Variants in PCDHB7 observed in about 807,000 individuals in gnomAD.
The protein encoded by PCDHB7 is protocadherin beta 7.
For missense variants in PCDHB7, 1,148 were observed against 1,011.6 expected (o/e 1.13, Z -1.83); for synonymous variants, 542 against 463.1 (o/e 1.17, Z -2.19).
Position 141,174,564 on chromosome 5 carries a change from C to A in PCDHB7, c.1729C>A (p.Pro577Thr). 6.2e-6 allele frequency: 10 copies of A among 1,610,228 alleles called. No individual in the cohort carries two copies. Among genetic ancestry groups the A allele is most frequent in the African/African-American group, 1.3e-5 (1 of 74,988 alleles). Reference sequence around the variant, plus strand: ...CTCCGCGCCCTGCACCGAGCCGTTGCCCCGGGCGGCCGAGCCGGGCTACCT... The same window carrying A: ...CTCCGCGCCCTGCACCGAGCCGTTGACCCGGGCGGCCGAGCCGGGCTACCT... ...NSSAPCTEPL[P>T]RAAEPGYLVT... The change falls in exon 1 of 1, where the codon CCC becomes ACC. Residue 577 changes from proline to threonine, a missense_variant. Transcript: ENST00000231137.
rs1186915421 is a variant in PCDHB7, at chr5:141,175,303, A to C, written c.*86A>C. 7.8e-7 allele frequency: 1 copy of C among 1,282,196 alleles called. No homozygotes were observed. 79.4% of individuals were successfully genotyped at this position (1,282,196 alleles called of 1,614,324 possible). On this transcript the variant is annotated 3_prime_UTR_variant, in exon 1 of 1. Coordinates refer to ENST00000231137, the MANE Select transcript of PCDHB7 (RefSeq NM_018940.4). ...GGTTCCCTTAAGGGAGTGTCTTTACATCATTTCAAATATGTACTCTTGAAG... is the reference window on the plus strand; with the variant it reads ...GGTTCCCTTAAGGGAGTGTCTTTACCTCATTTCAAATATGTACTCTTGAAG...
Position 141,174,094 on chromosome 5 carries a change from C to G in PCDHB7, c.1259C>G (p.Thr420Ser), listed in dbSNP as rs1554280153. Residue 420 changes from threonine to serine, a missense_variant, in exon 1 of 1, where the codon ACC (threonine) becomes AGC (serine). Thr to Ser is a moderately conservative substitution (Grantham distance 58). Coordinates refer to ENST00000231137, the MANE Select transcript of PCDHB7 (RefSeq NM_018940.4). Reference protein sequence around the residue: ...DRERNTEYNITITVTDLGTPR... With the variant: ...DRERNTEYNISITVTDLGTPR... ...GAGAGGAACACTGAGTACAACATCACCATCACCGTCACCGACTTGGGGACA... is the reference window on the plus strand; with the variant it reads ...GAGAGGAACACTGAGTACAACATCAGCATCACCGTCACCGACTTGGGGACA... 1 of 1,614,132 alleles carries G rather than the reference C, an allele frequency of 6.2e-7. No individual in the cohort carries two copies. The highest frequency in any genetic ancestry group is 1.7e-5 in the Admixed American group (1 of 60,036).
rs781940490 is a variant in PCDHB7 at position 141,173,286 on chromosome 5, G to A, written c.451G>A (p.Ala151Thr). 11 of 1,614,060 alleles carry A rather than the reference G, an allele frequency of 6.8e-6. No homozygotes were observed. In the East Asian group the frequency reaches 1.8e-4, roughly 26 times the overall value. Residue 151 changes from alanine to threonine, a missense_variant, in exon 1 of 1, where the codon GCA becomes ACA. By Grantham distance (58) the Ala-to-Thr change is moderately conservative. Coordinates refer to ENST00000231137, the MANE Select transcript of PCDHB7 (RefSeq NM_018940.4). ...ATTAGAAAGTACCACTCCAGGGGCG[G>A]CATTTCTCCTAGAGAGTGCACAGGA... ...KILESTTPGA[A>T]FLLESAQDSD...
Position 141,172,839 on chromosome 5 carries a change from G to C in PCDHB7, c.4G>C (p.Glu2Gln), listed in dbSNP as rs782092863. 4 of 1,607,212 alleles carry C rather than the reference G, an allele frequency of 2.5e-6. No individual in the cohort carries two copies. In the African/African-American group the frequency reaches 5.4e-5, roughly 22 times the overall value. Reference protein sequence around the residue: MEARVERAVQKR... With the variant: MQARVERAVQKR... ...TGAAAGACTGATCCAAAGAAGAATG[G>C]AGGCCAGAGTGGAGCGTGCTGTGCA... The change falls in exon 1 of 1, where the codon GAG becomes CAG. Residue 2 changes from glutamate (E) to glutamine (Q), a missense_variant. Glu to Gln is a conservative substitution (Grantham distance 29, BLOSUM62 2). Transcript: ENST00000231137.
In PCDHB7 at chr5:141,173,916, C is replaced by T. The variant is rs1165520722; in HGVS notation, c.1081C>T (p.Pro361Ser). 2 of 1,612,510 alleles carry T rather than the reference C, an allele frequency of 1.2e-6. No individual in the cohort carries two copies. The highest frequency in any genetic ancestry group is 1.7e-6 in the Non-Finnish European group (2 of 1,178,872). ...TACTAGCCCAATTGCAGAAAACTCACCCGAGACAGTCGTGGCTGTTTTTAG... is the reference window on the plus strand; with the variant it reads ...TACTAGCCCAATTGCAGAAAACTCATCCGAGACAGTCGTGGCTGTTTTTAG... ...SLTSPIAENSPETVVAVFRIR... is the reference protein window; with the variant it reads ...SLTSPIAENSSETVVAVFRIR... The change falls in exon 1 of 1, where the codon CCC becomes TCC. Residue 361 changes from proline to serine, a missense_variant. By Grantham distance (74) the Pro-to-Ser change is moderately conservative. Transcript: ENST00000231137.
chr5:141,174,501 G>C lies in PCDHB7; in HGVS notation c.1666G>C (p.Asp556His), dbSNP rs781803189. Residue 556 changes from aspartate to histidine, a missense_variant, in exon 1 of 1, where the codon GAC becomes CAC. By Grantham distance (81) the Asp-to-His change is moderately conservative. Coordinates refer to ENST00000231137, the MANE Select transcript of PCDHB7 (RefSeq NM_018940.4). ...LVRVLVLDAN[D>H]NSPFVLYPLQ... is the part of the protein sequence containing the mutation. ...GCGCGTGCTGGTGCTGGACGCCAACGACAACTCGCCCTTCGTGCTGTACCC... is the reference window on the plus strand; with the variant it reads ...GCGCGTGCTGGTGCTGGACGCCAACCACAACTCGCCCTTCGTGCTGTACCC... The C allele has an allele frequency of 1.2e-6, 2 of 1,611,026 alleles. No individual in the cohort carries two copies. Among genetic ancestry groups the C allele is most frequent in the South Asian group, 2.2e-5 (2 of 90,970 alleles).
rs1239189563 is a variant in PCDHB7 at position 141,175,774 on chromosome 5, G to A, written c.*557G>A. 5.9e-6 allele frequency: 1 copy of A among 169,894 alleles called. No homozygotes were observed. Among genetic ancestry groups the A allele is most frequent in the Non-Finnish European group, 1.4e-5 (1 of 70,048 alleles). 10.5% of individuals were successfully genotyped at this position (169,894 alleles called of 1,614,324 possible). A position where few individuals can be genotyped will look rare whatever the true frequency, so the allele number is the denominator to read the frequency against. On this transcript the variant is annotated 3_prime_UTR_variant, in exon 1 of 1. Transcript: ENST00000231137. ...CTGAGCATCCATCCCAGATCTGTCT[G>A]ACTCTGGGTCAGTGACCCTGCTCCG...
Position 141,175,647 on chromosome 5 carries a change from T to A in PCDHB7, c.*430T>A, listed in dbSNP as rs1476596985. 1 of 189,346 alleles carries A rather than the reference T, an allele frequency of 5.3e-6. No individual in the cohort carries two copies. Among genetic ancestry groups the A allele is most frequent in the African/African-American group, 2.4e-5 (1 of 41,568 alleles). 11.7% of individuals were successfully genotyped at this position (189,346 alleles called of 1,614,324 possible). On this transcript the variant is annotated 3_prime_UTR_variant, in exon 1 of 1. Transcript: ENST00000231137. ...ATACACTATTTTAACACTTTTAATC[T>A]GAGAAGAAGCATATGAGGCATGGTA... is the stretch of plus-strand genomic sequence containing the variant.
Position 141,173,440 on chromosome 5 carries a change from G to C in PCDHB7, c.605G>C (p.Arg202Pro), listed in dbSNP as rs200476708. ...PELVLNQVLD[R>P]EEIPEFSLTL... ...TTGGTGCTGAATCAAGTGCTGGATC[G>C]GGAAGAGATACCAGAGTTCAGTTTA... The change falls in exon 1 of 1, where the codon CGG becomes CCG. Residue 202 changes from arginine (R) to proline (P), a missense_variant. By Grantham distance (103) the Arg-to-Pro change is moderately radical. Coordinates refer to ENST00000231137, the MANE Select transcript of PCDHB7 (RefSeq NM_018940.4). 5 of 1,614,042 alleles carry C rather than the reference G, an allele frequency of 3.1e-6. No individual in the cohort carries two copies. Among genetic ancestry groups the C allele is most frequent in the African/African-American group, 2.7e-5 (2 of 74,912 alleles).
At position 141,174,247 on chromosome 5, in the gene PCDHB7, G is replaced by T. The variant is rs139341980; in HGVS notation, c.1412G>T (p.Gly471Val). Residue 471 changes from glycine to valine, a missense_variant, in exon 1 of 1, where the codon GGC becomes GTC. Transcript: ENST00000231137. ...RENNSPALPI[G>V]SVSATDRDSG... is the part of the protein sequence containing the mutation. ...AACAACAGCCCCGCCCTGCCCATCG[G>T]CAGTGTCAGCGCCACAGACAGAGAC... The T allele has an allele frequency of 1.1e-5, 17 of 1,612,640 alleles. No homozygotes were observed. The highest frequency in any genetic ancestry group is 1.4e-5 in the Non-Finnish European group (17 of 1,179,712).
At position 141,175,188 on chromosome 5, in the gene PCDHB7, C is replaced by A. The variant is rs142134051; in HGVS notation, c.2353C>A (p.Arg785Ser). The stretch of plus-strand genomic sequence containing the variant: ...CACAGGCAGGGAAGTGGAAGAAAAT[C>A]GCCCATTTCAGAATAATTTGGGTTT... ...QSTGREVEEN[R>S]PFQNNLGF Residue 785 changes from arginine (R) to serine (S), a missense_variant, in exon 1 of 1, where the codon CGC becomes AGC. Transcript: ENST00000231137. 120 of 1,607,916 alleles carry A rather than the reference C, an allele frequency of 7.5e-5. 1 individual carries two copies. The African/African-American group carries it at 1.2e-3, about 16-fold the overall frequency.
In PCDHB7 at chr5:141,174,201, T is replaced by C. The variant is rs782111950; in HGVS notation, c.1366T>C (p.Tyr456His). 5.0e-6 allele frequency: 8 copies of C among 1,613,320 alleles called. No homozygotes were observed. In the South Asian group the frequency reaches 7.7e-5, roughly 16 times the overall value. ...CGCTCCCGCCTTCACCCAAACCTCC[T>C]ACACCCTGTTTGTCCGTGAGAACAA... ...DNAPAFTQTS[Y>H]TLFVRENNSP... Residue 456 changes from tyrosine (Y) to histidine (H), a missense_variant, in exon 1 of 1, where the codon TAC (tyrosine) becomes CAC (histidine). By Grantham distance (83) the Tyr-to-His change is moderately conservative. Transcript: ENST00000231137.
rs1554280186 is a variant in PCDHB7 at position 141,174,194 on chromosome 5, A to G, written c.1359A>G (p.Gln453=). Residue 453 remains glutamine, a synonymous_variant, in exon 1 of 1, where the codon CAA becomes CAG. Coordinates refer to ENST00000231137, the MANE Select transcript of PCDHB7 (RefSeq NM_018940.4). The part of the protein sequence containing the change: ...DVNDNAPAFT[Q]TSYTLFVREN... ...ATGACAACGCTCCCGCCTTCACCCA[A>G]ACCTCCTACACCCTGTTTGTCCGTG... 1 of 1,613,352 alleles carries G rather than the reference A, an allele frequency of 6.2e-7. No individual in the cohort carries two copies. The highest frequency in any genetic ancestry group is 1.1e-5 in the South Asian group (1 of 91,026).
rs191698001 is a variant in PCDHB7, at chr5:141,176,035, T to C, written c.*818T>C. On this transcript the variant is annotated 3_prime_UTR_variant, in exon 1 of 1. Transcript: ENST00000231137. ...TCCAAACTCAAGCGGAAAACAAAAT[T>C]GAAAGGGCAACCTGTGCCTTCTCCT... is the stretch of plus-strand genomic sequence containing the variant. 364 of 166,934 alleles carry C rather than the reference T, an allele frequency of 2.2e-3. No individual in the cohort carries two copies. The highest frequency in any genetic ancestry group is 5.6e-3 in the Admixed American group (85 of 15,216). 10.3% of individuals were successfully genotyped at this position (166,934 alleles called of 1,614,324 possible). A position where few individuals can be genotyped will look rare whatever the true frequency, so the allele number is the denominator to read the frequency against.
chr5:141,175,323 T>A lies in PCDHB7; in HGVS notation c.*106T>A. ...TTTACATCATTTCAAATATGTACTC[T>A]TGAAGTCAAGCAATAAATTTCTATA... On this transcript the variant is annotated 3_prime_UTR_variant, in exon 1 of 1. Coordinates refer to ENST00000231137, the MANE Select transcript of PCDHB7 (RefSeq NM_018940.4). 1 of 1,189,436 alleles carries A rather than the reference T, an allele frequency of 8.4e-7. No individual in the cohort carries two copies. Among genetic ancestry groups the A allele is most frequent in the Non-Finnish European group, 1.2e-6 (1 of 859,066 alleles). The allele number at this position is 1,189,436 out of a possible 1,614,324, so 73.7% of individuals were successfully genotyped here.
chr5:141,175,109 G>A lies in PCDHB7; in HGVS notation c.2274G>A (p.Gly758=). The change falls in exon 1 of 1, where the codon GGG becomes GGA. Residue 758 remains glycine (G), a synonymous_variant. Transcript: ENST00000231137. ...QYEVCLTGGS[G]TNEFKFLKPI... ...AGGTGTGCCTGACTGGAGGCTCCGG[G>A]ACAAATGAGTTCAAGTTTCTGAAAC... The A allele has an allele frequency of 6.2e-7, 1 of 1,614,254 alleles. No homozygotes were observed. The highest frequency in any genetic ancestry group is 8.5e-7 in the Non-Finnish European group (1 of 1,180,058).
rs1554279918 is a variant in PCDHB7 at position 141,173,136 on chromosome 5, C to T, written c.301C>T (p.Pro101Ser). ...DREELCGPRE[P>S]CVLPFQLLLE... ...AGAGGAACTGTGTGGCCCCAGAGAG[C>T]CCTGTGTGCTGCCTTTCCAGTTGTT... is the stretch of plus-strand genomic sequence containing the variant. The change falls in exon 1 of 1, where the codon CCC becomes TCC. Residue 101 changes from proline to serine, a missense_variant. Pro to Ser is a moderately conservative substitution (Grantham distance 74). Coordinates refer to ENST00000231137, the MANE Select transcript of PCDHB7 (RefSeq NM_018940.4). 1 of 1,614,118 alleles carries T rather than the reference C, an allele frequency of 6.2e-7. No individual in the cohort carries two copies. The highest frequency in any genetic ancestry group is 8.5e-7 in the Non-Finnish European group (1 of 1,180,006).
chr5:141,173,546 C>A lies in PCDHB7; in HGVS notation c.711C>A (p.Asp237Glu). 6.2e-7 allele frequency: 1 copy of A among 1,613,678 alleles called. No homozygotes were observed. Among genetic ancestry groups the A allele is most frequent in the Non-Finnish European group, 8.5e-7 (1 of 1,179,654 alleles). ...LVRILVLDVN[D>E]NAPDFVRSLY... is the part of the protein sequence containing the mutation. ...GCATTCTGGTTCTAGACGTAAATGACAACGCCCCTGATTTTGTGCGGTCGC... is the reference window on the plus strand; with the variant it reads ...GCATTCTGGTTCTAGACGTAAATGAAAACGCCCCTGATTTTGTGCGGTCGC... Residue 237 changes from aspartate (D) to glutamate (E), a missense_variant, in exon 1 of 1, where the codon GAC (aspartate) becomes GAA (glutamate). Coordinates refer to ENST00000231137, the MANE Select transcript of PCDHB7 (RefSeq NM_018940.4).
At position 141,173,034 on chromosome 5, in the gene PCDHB7, G is replaced by A; in HGVS notation, c.199G>A (p.Val67Ile). ...ACTGAGAGCCCGGGGAACTAGAATT[G>A]TTTCAGACCAGAACATGCAAATTTT... ...GELRARGTRIVSDQNMQILLL... is the reference protein window; with the variant it reads ...GELRARGTRIISDQNMQILLL... Residue 67 changes from valine (V) to isoleucine (I), a missense_variant, in exon 1 of 1, where the codon GTT (valine) becomes ATT (isoleucine). Val to Ile is a conservative substitution (Grantham distance 29, BLOSUM62 3). Transcript: ENST00000231137. The A allele has an allele frequency of 6.2e-7, 1 of 1,614,192 alleles. No homozygotes were observed. The highest frequency in any genetic ancestry group is 8.5e-7 in the Non-Finnish European group (1 of 1,180,036).
Sources: gnomAD v4.1 joint callset for allele counts on GRCh38, gnomAD v4.1.1 for gene constraint, MANE v1.5 for transcripts, NCBI Gene and HGNC (gene_info 2026-07-23, HGNC 2026-07-21) for gene names.